Variants in NUP214 observed in about 807,000 individuals in gnomAD.
NUP214 encodes the protein nucleoporin 214.
A neutral mutation model predicts 196.2 loss-of-function variants in NUP214; 79 were observed. That is an observed-to-expected ratio of 0.40 (90% CI 0.34 to 0.49). The LOEUF (loss-of-function observed/expected upper bound fraction) is 0.49, where lower values mean the gene tolerates loss of function less well. Ranked by LOEUF, NUP214 falls within the 20% of genes least tolerant of loss-of-function variation. The pLI is 0.58. For synonymous variants in NUP214, 1,020 were observed against 990.5 expected (o/e 1.03, Z -0.56); for missense variants, 2,468 against 2,539.0 (o/e 0.97, Z 0.60).
intron 24 of NUP214, among the ~76,000 whole-genome samples, chr9:131,180,009 A>T (rs1186988313): frequency 6.6e-6 from 1 of 152,226 alleles, no homozygotes; most frequent in Non-Finnish European, 1.5e-5. Context: ...GAGATATATT[A>T]GGTGCTAACC....
intron 5 of NUP214, among the ~76,000 whole-genome samples, chr9:131,131,798 T>A (rs1831551367): frequency 6.6e-6 from 1 of 151,806 alleles, no homozygotes; most frequent in African/African-American, 2.4e-5. Context: ...AGGTGATCCT[T>A]CCACTTCAGC....
intron 24 of NUP214, among the ~76,000 whole-genome samples, chr9:131,183,559 T>G (rs1340576270): frequency 4.6e-5 from 7 of 152,242 alleles, no homozygotes; most frequent in African/African-American, 1.7e-4. Context: ...ATCTGAATTC[T>G]TTTAGCTTTT....
At chr9:131,192,957 A>G (rs1366434988) in intron 27 of NUP214, among the ~76,000 whole-genome samples, 1 of 150,886 alleles carries the variant, frequency 6.6e-6, no homozygotes, top group African/African-American at 2.4e-5. Flanking sequence ...AAAAAAAAAA[A>G]AAAAAAAAAA....
chr9:131,156,658 T>G (rs1293491178), intron 17 of NUP214, among the ~76,000 whole-genome samples: 1 of 152,004 alleles, frequency 6.6e-6, no homozygotes, highest in Non-Finnish European at 1.5e-5. Context: ...GCAGTGCTAC[T>G]GATTTGTGTA....
chr9:131,139,425 G>A lies in NUP214; in HGVS notation c.1132+18G>A, dbSNP rs541335750. On this transcript the variant is annotated intron_variant, in intron 10 of 35. Transcript: ENST00000359428. ...CACCATCAGTAAGTGTAGCCTGGTA[G>A]TTAGTGCAGAAATAGTCTTCTTTCT... 356 of 1,599,854 alleles carry A rather than the reference G, an allele frequency of 2.2e-4. 6 individuals carry two copies. In the South Asian group the frequency reaches 3.9e-3, roughly 18 times the overall value.
chr9:131,226,559 A>G (rs1834730225), intron 32 of NUP214, among the ~76,000 whole-genome samples: 1 of 152,044 alleles, frequency 6.6e-6, no homozygotes, highest in Admixed American at 6.6e-5. Context: ...CTGCATGTCT[A>G]GGAAGAAAGT....
chr9:131,201,986 C>T (rs1165449929), intron 30 of NUP214, among the ~76,000 whole-genome samples: 1 of 152,144 alleles, frequency 6.6e-6, no homozygotes, highest in Non-Finnish European at 1.5e-5. Context: ...TCTTTAGACA[C>T]AGGATCTTGC....
chr9:131,212,001 G>A (rs934652844), intron 30 of NUP214, among the ~76,000 whole-genome samples: 1 of 152,174 alleles, frequency 6.6e-6, no homozygotes, highest in African/African-American at 2.4e-5. Flanking sequence ...CCGAATAGGA[G>A]AAATAACACT....
At chr9:131,230,443 A>T (rs1834842747) in intron 33 of NUP214, 187 bp from the exon 34 acceptor site, 1 of 615,292 alleles carries the variant, frequency 1.6e-6, no homozygotes, top group Non-Finnish European at 2.8e-6. Context: ...TTCTTCCTAG[A>T]GCAGAGATAA....
At chr9:131,207,181 C>T (rs987757028) in intron 30 of NUP214, among the ~76,000 whole-genome samples, 1 of 152,216 alleles carries the variant, frequency 6.6e-6, no homozygotes. Context: ...GTCACACTTA[C>T]TCTGGCAGTA....
intron 4 of NUP214, among the ~76,000 whole-genome samples, chr9:131,130,137 G>GTTTTGTTTTTTTTTTTTTTTT (rs1564176236): frequency 7.8e-5 from 6 of 76,894 alleles, no homozygotes; most frequent in African/African-American, 1.5e-4. Context: ...TTCTGGTTTT[G>GTTTTGTTTTTTTTTTTTTTTT]TTTTTTTTTT....
intron 31 of NUP214, 66 bp downstream of exon 31, chr9:131,215,434 T>C (rs561603698): frequency 1.5e-6 from 2 of 1,356,096 alleles, no homozygotes; most frequent in Non-Finnish European, 1.9e-6. Flanking sequence ...TAGGGTGTTA[T>C]CAAAGCTTCA....
chr9:131,211,464 G>A (rs1834238561), intron 30 of NUP214, among the ~76,000 whole-genome samples: 1 of 152,088 alleles, frequency 6.6e-6, no homozygotes, highest in South Asian at 2.1e-4. Context: ...AACAAAGCTG[G>A]TCATTTGTCC....
rs1588129850 is a variant in NUP214, at chr9:131,144,561, T to C, written c.1576T>C (p.Ser526Pro). The change falls in exon 12 of 36, where the codon TCT becomes CCT. Residue 526 changes from serine to proline, a missense_variant. Around this residue, in one of 5 missense-constraint regions of NUP214, gnomAD observed 1,801 missense variants for 1,779.4 expected, o/e 1.01. Transcript: ENST00000359428. ...ATCAACCTTCTCTTTTGTTCCCCCT[T>C]CTAAAGCCTCCCTAGCCCCCACCCC... ...GPSTFSFVPP[S>P]KASLAPTPAA... 6.2e-7 allele frequency: 1 copy of C among 1,614,040 alleles called. No homozygotes were observed. Among genetic ancestry groups the C allele is most frequent in the Non-Finnish European group, 8.5e-7 (1 of 1,179,966 alleles).
intron 30 of NUP214, among the ~76,000 whole-genome samples, chr9:131,209,533 A>G (rs747874690): frequency 3.6e-4 from 55 of 152,210 alleles, no homozygotes; most frequent in Admixed American, 7.2e-4. Context: ...AGCTGGGACT[A>G]CAGGTGTTCA....
At chr9:131,196,888 C>T (rs1245510712) in intron 28 of NUP214, among the ~76,000 whole-genome samples, 1 of 152,192 alleles carries the variant, frequency 6.6e-6, no homozygotes, top group African/African-American at 2.4e-5. Flanking sequence ...AAGGAAAGCA[C>T]ACAGCTAGGG....
At chr9:131,151,340 C>CA (rs1832257284) in intron 16 of NUP214, among the ~76,000 whole-genome samples, 1 of 152,198 alleles carries the variant, frequency 6.6e-6, no homozygotes, top group African/African-American at 2.4e-5. Context: ...GCAAATTTGT[C>CA]AAAAGTCACC....
At chr9:131,216,085 TAG>T (rs1162709533) in intron 31 of NUP214, among the ~76,000 whole-genome samples, 3 of 151,888 alleles carry the variant, frequency 2.0e-5, no homozygotes, top group Non-Finnish European at 4.4e-5. Context: ...ATATTTTTAG[TAG>T]AGACAGGGTT....
intron 35 of NUP214, among the ~76,000 whole-genome samples, chr9:131,233,172 T>C (rs1345834746): frequency 1.3e-5 from 2 of 151,874 alleles, no homozygotes; most frequent in Admixed American, 6.6e-5. Context: ...TATACATATA[T>C]AGATAAACAC....
Sources: allele counts gnomAD v4.1 joint callset (sites outside exome capture counted in the v4.1 genomes callset), GRCh38; gene constraint gnomAD v4.1.1; regional missense constraint gnomAD v4.1.1; transcripts MANE v1.5; gene names NCBI Gene and HGNC (gene_info 2026-07-23, HGNC 2026-07-21).